Variants in SORBS2 observed in about 807,000 individuals in gnomAD.
The protein encoded by SORBS2 is sorbin and SH3 domain-containing protein 2.
A neutral mutation model predicts 97.7 loss-of-function variants in SORBS2; 46 were observed. That is an observed-to-expected ratio of 0.47 (90% CI 0.37 to 0.60). The LOEUF (loss-of-function observed/expected upper bound fraction) is 0.60, where lower values mean the gene tolerates loss of function less well. Among genes scored for constraint, SORBS2 ranks in the 20% least tolerant of loss-of-function variants. The probability of loss-of-function intolerance (pLI) is 0.00; values close to 1 mark genes in which losing one functional copy is unlikely to be tolerated. For missense variants in SORBS2, 1,316 were observed against 1,282.3 expected, an observed-to-expected ratio of 1.03 and a Z score of -0.40; for synonymous variants, 476 against 473.4, an observed-to-expected ratio of 1.01 and a Z score of -0.07.
chr4:185,907,280 C>T (rs965068970), intron 1 of SORBS2, among the ~76,000 whole-genome samples: 1 of 152,182 alleles, frequency 6.6e-6, no homozygotes, highest in African/African-American at 2.4e-5. Context: ...GCTAGTCTGT[C>T]TGTCCACCTT....
intron 4 of SORBS2, among the ~76,000 whole-genome samples, chr4:185,637,240 T>G (rs1455101570): frequency 6.6e-6 from 1 of 152,256 alleles, no homozygotes; most frequent in African/African-American, 2.4e-5. Flanking sequence ...TAGATATGTT[T>G]AGGTACACAA....
intron 2 of SORBS2, among the ~76,000 whole-genome samples, chr4:185,732,775 G>T (rs982476298): frequency 2.0e-5 from 3 of 152,338 alleles, no homozygotes; most frequent in African/African-American, 7.2e-5. Context: ...CCCAGTACCT[G>T]TGAGAGCGAT....
intron 12 of SORBS2, among the ~76,000 whole-genome samples, chr4:185,608,304 A>G (rs2096468367): frequency 6.6e-6 from 1 of 152,240 alleles, no homozygotes; most frequent in South Asian, 2.1e-4. Flanking sequence ...TCTCAAAGAC[A>G]GGAACCCATG....
chr4:185,609,208 G>A (rs1872447), intron 12 of SORBS2, among the ~76,000 whole-genome samples: 96,854 of 151,922 alleles, frequency 0.64, 31,839 homozygotes, highest in African/African-American at 0.79. Context: ...GTCTCATTCA[G>A]CAGTCTACAG....
chr4:185,835,948 T>G (rs2153675199), intron 1 of SORBS2, among the ~76,000 whole-genome samples: 1 of 152,220 alleles, frequency 6.6e-6, no homozygotes, highest in Middle Eastern at 3.4e-3. Flanking sequence ...GCTGCTCTTC[T>G]TGTTCCCAAA....
At chr4:185,898,737 G>A (rs747724148) in intron 1 of SORBS2, among the ~76,000 whole-genome samples, 5 of 152,206 alleles carry the variant, frequency 3.3e-5, no homozygotes, top group African/African-American at 7.2e-5. Context: ...CAGTTTAGCA[G>A]GAGGTAATAC....
chr4:185,710,695 C>A (rs1566353), intron 2 of SORBS2, among the ~76,000 whole-genome samples: 1 of 152,060 alleles, frequency 6.6e-6, no homozygotes, highest in African/African-American at 2.4e-5. Flanking sequence ...AGGGAGCTCC[C>A]GTCTCATCAG....
At chr4:185,753,884 C>A (rs1437132158) in intron 2 of SORBS2, among the ~76,000 whole-genome samples, 1 of 152,170 alleles carries the variant, frequency 6.6e-6, no homozygotes, top group Non-Finnish European at 1.5e-5. Flanking sequence ...TTGTGGAAAG[C>A]ATTTGGTGAT....
intron 3 of SORBS2, among the ~76,000 whole-genome samples, chr4:185,648,362 C>T (rs750517965): frequency 4.6e-5 from 7 of 151,888 alleles, no homozygotes; most frequent in Non-Finnish European, 7.4e-5. Flanking sequence ...ATTAGCCGGG[C>T]GTGGTGGCTG....
intron 1 of SORBS2, among the ~76,000 whole-genome samples, chr4:185,922,493 G>T (rs1420307916): frequency 6.6e-6 from 1 of 152,202 alleles, no homozygotes; most frequent in African/African-American, 2.4e-5. Context: ...TTGAGCCTCA[G>T]AAATGAATCC....
At chr4:185,858,178 G>A (rs10866285) in intron 1 of SORBS2, among the ~76,000 whole-genome samples, 84,357 of 152,026 alleles carry the variant, frequency 0.55, 23,791 homozygotes, top group East Asian at 0.79. Context: ...TTCTCAGACC[G>A]GCTGACACTT....
At chr4:185,953,794 C>A (rs1240500721) in intron 1 of SORBS2, among the ~76,000 whole-genome samples, 1 of 152,200 alleles carries the variant, frequency 6.6e-6, no homozygotes. Flanking sequence ...ACATGAACTG[C>A]TTATAATTAT....
At chr4:185,702,833 A>G (rs2098283864) in intron 2 of SORBS2, among the ~76,000 whole-genome samples, 1 of 152,148 alleles carries the variant, frequency 6.6e-6, no homozygotes, top group African/African-American at 2.4e-5. Flanking sequence ...AAATTTTGCT[A>G]AATCTAGGAA....
Position 185,696,011 on chromosome 4 carries a change from C to T in SORBS2, c.-197-17189G>A, listed in dbSNP as rs927887237. ...TGTGCTAACAGTGCCTGAAAATGTT[C>T]CTTATTATTCAGGAGCCGAATTACC... On this transcript the variant is annotated intron_variant, in intron 2 of 20. Transcript: ENST00000284776. Among the ~76,000 whole-genome samples the T allele has an allele frequency of 5.9e-5, 9 of 152,154 alleles. 1 individual carries two copies. The highest frequency in any genetic ancestry group is 2.2e-4 in the African/African-American group (9 of 41,416).
intron 2 of SORBS2, among the ~76,000 whole-genome samples, chr4:185,766,278 G>GC (rs1043361611): frequency 3.3e-5 from 5 of 152,122 alleles, no homozygotes; most frequent in Non-Finnish European, 5.9e-5. Flanking sequence ...GGTGTGCCAG[G>GC]CCACACCTTC....
At chr4:185,761,373 A>G (rs983794027) in intron 2 of SORBS2, 5 of 152,382 alleles carry the variant, frequency 3.3e-5, no homozygotes, top group Admixed American at 6.5e-5. Flanking sequence ...CAAATACAAC[A>G]ATATCTCTAT....
chr4:185,889,028 G>T (rs888872456), intron 1 of SORBS2, among the ~76,000 whole-genome samples: 1 of 152,296 alleles, frequency 6.6e-6, no homozygotes, highest in African/African-American at 2.4e-5. Context: ...AGGCGATCGG[G>T]GCTGAGTGAG....
chr4:185,728,723 C>A (rs1464295077), intron 2 of SORBS2, among the ~76,000 whole-genome samples: 1 of 152,092 alleles, frequency 6.6e-6, no homozygotes, highest in Non-Finnish European at 1.5e-5. Context: ...CTATTTTCTT[C>A]TCTCCCAGGG....
intron 4 of SORBS2, among the ~76,000 whole-genome samples, chr4:185,632,624 C>T (rs1200516572): frequency 1.3e-5 from 2 of 152,180 alleles, no homozygotes; most frequent in African/African-American, 2.4e-5. Flanking sequence ...TCACGGCTTT[C>T]GTGGGACACC....
Sources: allele counts gnomAD v4.1 joint callset (sites outside exome capture counted in the v4.1 genomes callset), GRCh38; gene constraint gnomAD v4.1.1; transcripts MANE v1.5; gene names NCBI Gene and HGNC (gene_info 2026-07-23, HGNC 2026-07-21).